The following SLC30A8 variants were observed in gnomAD, a reference collection of about 807,000 sequenced individuals.
SLC30A8 encodes the protein solute carrier family 30 member 8, also known as proton-coupled zinc antiporter SLC30A8.
A neutral mutation model predicts 36.9 loss-of-function variants in SLC30A8; 27 were observed. The ratio of observed to expected loss-of-function variants is 0.73; its 90% CI spans 0.54 to 1.01. The LOEUF is 1.01. SLC30A8 is among the 50% of genes least tolerant of loss of function. The pLI, the probability that SLC30A8 is intolerant of heterozygous loss-of-function variation, is 0.00. For missense variants in SLC30A8, 439 were observed against 452.0 expected, an observed-to-expected ratio of 0.97 and a Z score of 0.26; for synonymous variants, 164 against 172.4, an observed-to-expected ratio of 0.95 and a Z score of 0.38.
intron 5 of SLC30A8, among the ~76,000 whole-genome samples, chr8:117,162,324 G>A (rs1011649300): frequency 1.3e-5 from 2 of 152,084 alleles, no homozygotes; most frequent in Admixed American, 1.3e-4. Flanking sequence ...CTGTGAACGG[G>A]AGTCCAGTTG....
chr8:117,062,116 C>T (rs1818037883), intron 2 of SLC30A8, among the ~76,000 whole-genome samples: 1 of 152,074 alleles, frequency 6.6e-6, no homozygotes, highest in Non-Finnish European at 1.5e-5. Flanking sequence ...CACACAGGAT[C>T]CAGGGAGGTA....
At chr8:117,126,280 A>G (rs927485918) in intron 2 of SLC30A8, among the ~76,000 whole-genome samples, 1 of 151,958 alleles carries the variant, frequency 6.6e-6, no homozygotes, top group Non-Finnish European at 1.5e-5. Flanking sequence ...TATTAATATG[A>G]TAGTCTTTAT....
At chr8:117,164,963 C>T (rs546835772) in intron 6 of SLC30A8, among the ~76,000 whole-genome samples, 2 of 152,278 alleles carry the variant, frequency 1.3e-5, no homozygotes, top group South Asian at 4.1e-4. Flanking sequence ...CTGCCTGCCT[C>T]CTCTCCCCCA....
chr8:116,972,251 G>A (rs1814817884), intron 1 of SLC30A8, among the ~76,000 whole-genome samples: 1 of 152,162 alleles, frequency 6.6e-6, no homozygotes. Context: ...CAGTCATCTG[G>A]GGAGCAATTT....
chr8:117,097,547 T>C (rs1473471769), intron 2 of SLC30A8, among the ~76,000 whole-genome samples: 2 of 112,140 alleles, frequency 1.8e-5, no homozygotes, highest in Non-Finnish European at 3.4e-5. Flanking sequence ...TATATAATTT[T>C]AAATAATATA....
At chr8:117,068,081 A>G (rs1301532583) in intron 2 of SLC30A8, among the ~76,000 whole-genome samples, 3 of 152,210 alleles carry the variant, frequency 2.0e-5, no homozygotes, top group Non-Finnish European at 2.9e-5. Context: ...ATGAAAATCA[A>G]TCTTTTTGTT....
chr8:117,023,512 A>C (rs1425603242), intron 1 of SLC30A8, among the ~76,000 whole-genome samples: 1 of 152,192 alleles, frequency 6.6e-6, no homozygotes, highest in African/African-American at 2.4e-5. Context: ...AAAATGTGGC[A>C]CATATACACC....
intron 1 of SLC30A8, among the ~76,000 whole-genome samples, chr8:117,003,193 G>A (rs1040474047): frequency 6.6e-6 from 1 of 152,146 alleles, no homozygotes; most frequent in African/African-American, 2.4e-5. Flanking sequence ...GGCCCGCTAA[G>A]ACCACAGTGG....
chr8:117,120,764 TCAAC>T, intron 2 of SLC30A8, among the ~76,000 whole-genome samples: 1 of 151,438 alleles, frequency 6.6e-6, no homozygotes, highest in South Asian at 2.1e-4. Context: ...AACTCTAAAA[TCAAC>T]AAAAACCCAA....
intron 1 of SLC30A8, among the ~76,000 whole-genome samples, chr8:117,023,343 C>T (rs1816767172): frequency 1.3e-5 from 2 of 152,218 alleles, no homozygotes; most frequent in Non-Finnish European, 2.9e-5. Flanking sequence ...ACTAGAAATA[C>T]CATTTGACCC....
At chr8:117,026,443 A>C (rs1266761445) in intron 1 of SLC30A8, among the ~76,000 whole-genome samples, 1 of 152,186 alleles carries the variant, frequency 6.6e-6, no homozygotes, top group East Asian at 1.9e-4. Flanking sequence ...TGCCTGGAAG[A>C]AATTCTTGTG....
At chr8:117,096,236 T>C (rs895082646) in intron 2 of SLC30A8, among the ~76,000 whole-genome samples, 2 of 152,206 alleles carry the variant, frequency 1.3e-5, no homozygotes, top group African/African-American at 4.8e-5. Context: ...GATGAGTACC[T>C]TGAGTGACCT....
chr8:117,039,588 C>T (rs1296104197), intron 2 of SLC30A8, among the ~76,000 whole-genome samples: 1 of 152,192 alleles, frequency 6.6e-6, no homozygotes, highest in East Asian at 1.9e-4. Context: ...TTGTCTTTCA[C>T]TAGTGCCTCC....
At chr8:117,118,254 G>T (rs528631805) in intron 2 of SLC30A8, among the ~76,000 whole-genome samples, 18 of 147,916 alleles carry the variant, frequency 1.2e-4, no homozygotes, top group African/African-American at 4.0e-4. Flanking sequence ...TAAAATAAAA[G>T]CAACTGCCCA....
At chr8:117,090,169 G>A (rs896786170) in intron 2 of SLC30A8, among the ~76,000 whole-genome samples, 7 of 151,914 alleles carry the variant, frequency 4.6e-5, no homozygotes, top group African/African-American at 1.7e-4. Flanking sequence ...TCACCATATT[G>A]GCCAGGCTGG....
intron 2 of SLC30A8, among the ~76,000 whole-genome samples, chr8:117,094,523 G>A (rs187557591): frequency 4.7e-4 from 71 of 152,318 alleles, no homozygotes; most frequent in African/African-American, 1.4e-3. Context: ...CTCTGTTGTG[G>A]GTAGTTCCTC....
At chr8:116,971,440 C>G (rs1586343284) in intron 1 of SLC30A8, among the ~76,000 whole-genome samples, 1 of 152,118 alleles carries the variant, frequency 6.6e-6, no homozygotes, top group South Asian at 2.1e-4. Flanking sequence ...CTTCCTCTGT[C>G]TTATAGTCAC....
At chr8:117,027,363 T>G (rs771629670) in intron 1 of SLC30A8, among the ~76,000 whole-genome samples, 4 of 152,234 alleles carry the variant, frequency 2.6e-5, no homozygotes, top group Non-Finnish European at 5.9e-5. Context: ...TTGCATTTGA[T>G]ATTCTCTCTG....
chr8:117,096,326 T>C (rs1819360553), intron 2 of SLC30A8, among the ~76,000 whole-genome samples: 1 of 152,168 alleles, frequency 6.6e-6, no homozygotes, highest in Non-Finnish European at 1.5e-5. Flanking sequence ...AGATGAACAA[T>C]TCTTACAAAA....
Sources: gnomAD v4.1 joint callset for allele counts (sites outside exome capture counted in the v4.1 genomes callset) on GRCh38, gnomAD v4.1.1 for gene constraint, MANE v1.5 for transcripts, NCBI Gene and HGNC (gene_info 2026-07-23, HGNC 2026-07-21) for gene names.